Variants in CPNE4 observed in about 807,000 individuals in gnomAD.
CPNE4 encodes the protein copine-4.
CPNE4 carries 25 observed loss-of-function variants against 67.9 expected under a neutral mutation model. The ratio of observed to expected loss-of-function variants is 0.37; its 90% CI spans 0.27 to 0.51. The LOEUF is 0.51. Ranked by LOEUF, CPNE4 falls within the 20% of genes least tolerant of loss-of-function variation. The probability of loss-of-function intolerance (pLI) is 0.93; values close to 1 mark genes in which losing one functional copy is unlikely to be tolerated. For synonymous variants in CPNE4, 242 were observed against 244.9 expected (o/e 0.99, Z 0.11); for missense variants, 464 against 690.8 (o/e 0.67, Z 3.68).
chr3:131,821,807 A>C (rs924438336), intron 2 of CPNE4, among the ~76,000 whole-genome samples: 6 of 152,110 alleles, frequency 3.9e-5, no homozygotes, highest in African/African-American at 1.4e-4. Flanking sequence ...ATGCTGTCCA[A>C]ATCCCTTCCT....
intron 1 of CPNE4, among the ~76,000 whole-genome samples, chr3:131,963,527 C>T (rs752156087): frequency 3.9e-5 from 6 of 152,094 alleles, no homozygotes; most frequent in South Asian, 2.1e-4. Context: ...AGTCTGAAGT[C>T]GACCTGGGAT....
intron 7 of CPNE4, among the ~76,000 whole-genome samples, chr3:131,623,685 GT>G (rs1361838231): frequency 7.2e-5 from 11 of 152,338 alleles, no homozygotes; most frequent in African/African-American, 2.6e-4. Flanking sequence ...CAGCATAGCG[GT>G]CACAACTGTG....
At chr3:131,595,611 G>T (rs1310555105) in intron 7 of CPNE4, among the ~76,000 whole-genome samples, 2 of 152,164 alleles carry the variant, frequency 1.3e-5, no homozygotes, top group African/African-American at 4.8e-5. Context: ...ATGTAACACG[G>T]TGAGAGTAGG....
intron 2 of CPNE4, among the ~76,000 whole-genome samples, chr3:131,758,865 T>G (rs1451472897): frequency 6.6e-6 from 1 of 152,122 alleles, no homozygotes; most frequent in Non-Finnish European, 1.5e-5. Flanking sequence ...TTATTCCTCA[T>G]TTTCTCTTGC....
At chr3:131,663,144 A>G (rs563181677) in intron 7 of CPNE4, among the ~76,000 whole-genome samples, 1 of 152,374 alleles carries the variant, frequency 6.6e-6, no homozygotes, top group African/African-American at 2.4e-5. Flanking sequence ...AAGAAGAATG[A>G]GTTCATGTCC....
intron 4 of CPNE4, among the ~76,000 whole-genome samples, chr3:131,699,151 T>G (rs2081234027): frequency 6.6e-6 from 1 of 152,178 alleles, no homozygotes; most frequent in Admixed American, 6.5e-5. Context: ...GATGTCGAAC[T>G]TTCAAATACC....
intron 5 of CPNE4, among the ~76,000 whole-genome samples, chr3:131,693,859 A>G (rs551059343): frequency 2.9e-4 from 44 of 152,274 alleles, no homozygotes; most frequent in African/African-American, 9.9e-4. Context: ...CTCTGCTCCA[A>G]AAGACTTAGA....
intron 7 of CPNE4, among the ~76,000 whole-genome samples, chr3:131,648,773 G>A (rs1394265360): frequency 1.3e-5 from 2 of 152,062 alleles, no homozygotes; most frequent in Non-Finnish European, 2.9e-5. Flanking sequence ...ATGAACCAAC[G>A]CTATGAAATA....
At chr3:131,947,826 T>A (rs559727214) in intron 1 of CPNE4, among the ~76,000 whole-genome samples, 1 of 152,324 alleles carries the variant, frequency 6.6e-6, no homozygotes, top group South Asian at 2.1e-4. Context: ...TCTTCCACAA[T>A]GGTTGAACTA....
intron 1 of CPNE4, among the ~76,000 whole-genome samples, chr3:131,917,231 T>G (rs577128844): frequency 6.6e-5 from 10 of 152,344 alleles, no homozygotes; most frequent in East Asian, 1.9e-4. Context: ...TGTAATCATG[T>G]TTCTGCTAAA....
intron 1 of CPNE4, among the ~76,000 whole-genome samples, chr3:131,918,065 C>T (rs372967087): frequency 6.6e-6 from 1 of 152,136 alleles, no homozygotes; most frequent in Non-Finnish European, 1.5e-5. Context: ...AAATTTAATC[C>T]TTTCAAGAGT....
chr3:131,863,924 A>G (rs373176319), intron 2 of CPNE4, among the ~76,000 whole-genome samples: 20 of 152,252 alleles, frequency 1.3e-4, no homozygotes, highest in South Asian at 2.1e-4. Flanking sequence ...TTCTACATAT[A>G]GCTAGCCAGT....
intron 1 of CPNE4, among the ~76,000 whole-genome samples, chr3:132,021,098 C>T (rs1443694511): frequency 6.6e-6 from 1 of 152,184 alleles, no homozygotes; most frequent in Non-Finnish European, 1.5e-5. Flanking sequence ...CTGTGGCTGT[C>T]ACATTGGCAC....
chr3:131,712,517 C>T (rs1040238732), intron 3 of CPNE4, among the ~76,000 whole-genome samples: 4 of 152,160 alleles, frequency 2.6e-5, no homozygotes, highest in African/African-American at 9.7e-5. Context: ...CAAATATTCC[C>T]GAAATCTTCA....
intron 2 of CPNE4, among the ~76,000 whole-genome samples, chr3:131,765,673 CA>C (rs2082994289): frequency 6.6e-6 from 1 of 151,992 alleles, no homozygotes; most frequent in African/African-American, 2.4e-5. Context: ...TTGAGAGAGG[CA>C]GTAGTTAACT....
At chr3:131,595,019 GC>G in intron 7 of CPNE4, among the ~76,000 whole-genome samples, 1 of 152,272 alleles carries the variant, frequency 6.6e-6, no homozygotes, top group African/African-American at 2.4e-5. Flanking sequence ...CCTTACACCT[GC>G]TAAGGTGGCT....
At chr3:132,027,025 C>T (rs913000072) in intron 1 of CPNE4, among the ~76,000 whole-genome samples, 11 of 152,198 alleles carry the variant, frequency 7.2e-5, no homozygotes, top group African/African-American at 2.7e-4. Flanking sequence ...GCATTGCAAC[C>T]CTGTGATTTC....
intron 2 of CPNE4, among the ~76,000 whole-genome samples, chr3:131,822,039 A>T (rs142231041): frequency 6.6e-6 from 1 of 152,218 alleles, no homozygotes; most frequent in Non-Finnish European, 1.5e-5. Context: ...TTGCTTACAT[A>T]TACTCCTAAT....
chr3:131,817,729 C>T (rs945869777), intron 2 of CPNE4, among the ~76,000 whole-genome samples: 4 of 152,098 alleles, frequency 2.6e-5, no homozygotes, highest in East Asian at 1.9e-4. Context: ...AGGGGGCCCA[C>T]GAAACATAAA....
Sources: allele counts gnomAD v4.1 joint callset (sites outside exome capture counted in the v4.1 genomes callset), GRCh38; gene constraint gnomAD v4.1.1; transcripts MANE v1.5; gene names NCBI Gene and HGNC (gene_info 2026-07-23, HGNC 2026-07-21).